FAF2: variants seen among roughly 807,000 people sequenced by gnomAD.
FAF2 encodes FAS-associated factor 2.
A neutral mutation model predicts 62.3 loss-of-function variants in FAF2; 9 were observed. That is an observed-to-expected ratio of 0.14 (90% CI 0.09 to 0.25). The LOEUF is 0.25. Ranked by LOEUF, FAF2 falls within the 10% of genes least tolerant of loss-of-function variation. FAF2 has a pLI of 1.00. For synonymous variants in FAF2, 202 were observed against 198.0 expected, an observed-to-expected ratio of 1.02 and a Z score of -0.17; for missense variants, 368 against 556.2, an observed-to-expected ratio of 0.66 and a Z score of 3.40.
chr5:176,486,225 A>G, intron 2 of FAF2, 130 bp from the exon 3 acceptor site: 2 of 1,103,706 alleles, frequency 1.8e-6, no homozygotes, highest in South Asian at 1.6e-5. Context: ...ATGAAGGTGC[A>G]CTCCTCAGTG....
intron 2 of FAF2, among the ~76,000 whole-genome samples, chr5:176,482,331 C>T (rs1758794728): frequency 1.3e-5 from 2 of 151,808 alleles, no homozygotes; most frequent in Admixed American, 1.3e-4. Flanking sequence ...AATTTTCCTG[C>T]CTCAGCCTCC....
chr5:176,500,862 C>T (rs1215152804), intron 10 of FAF2, among the ~76,000 whole-genome samples: 3 of 152,168 alleles, frequency 2.0e-5, no homozygotes, highest in African/African-American at 7.2e-5. Context: ...GCCCCGTGCT[C>T]ATGCCTGTAA....
At chr5:176,460,093 A>G (rs1164066121) in intron 1 of FAF2, among the ~76,000 whole-genome samples, 3 of 152,178 alleles carry the variant, frequency 2.0e-5, no homozygotes, top group East Asian at 1.9e-4. Context: ...GTGGTATTCT[A>G]TAGTGTATAT....
intron 10 of FAF2, among the ~76,000 whole-genome samples, chr5:176,502,511 C>G (rs1456817910): frequency 1.3e-5 from 2 of 151,702 alleles, no homozygotes; most frequent in Non-Finnish European, 2.9e-5. Flanking sequence ...GCCCAGGAGG[C>G]AGAGGTTGCG....
chr5:176,494,429 A>C lies in FAF2; in HGVS notation c.661+154A>C, dbSNP rs1191975756. On this transcript the variant is annotated intron_variant, in intron 7 of 10. Coordinates refer to ENST00000261942, the MANE Select transcript of FAF2 (RefSeq NM_014613.3). The surrounding 1 kb of genome is among the most constrained non-coding windows in gnomAD (Gnocchi z 4.0). ...TATTGTCTCATTTAATCCTCTCAGC[A>C]GTCCTGAGAGATGGGGGGTCATATT... Among the ~76,000 whole-genome samples the C allele has an allele frequency of 6.6e-6, 1 of 152,224 alleles. No homozygotes were observed. Among genetic ancestry groups the C allele is most frequent in the Non-Finnish European group, 1.5e-5 (1 of 68,042 alleles).
intron 1 of FAF2, among the ~76,000 whole-genome samples, chr5:176,461,344 G>C (rs1327370030): frequency 7.8e-6 from 1 of 128,108 alleles, no homozygotes; most frequent in Non-Finnish European, 1.6e-5. Flanking sequence ...TTTGAGACAG[G>C]TTCTTGCTCT....
chr5:176,492,121 C>A, intron 4 of FAF2, 73 bp from the exon 5 acceptor site: 1 of 1,569,704 alleles, frequency 6.4e-7, no homozygotes, highest in Non-Finnish European at 8.7e-7. Context: ...TTACAGGAAT[C>A]TGTACAAATT....
chr5:176,489,153 C>G (rs1758926631), intron 4 of FAF2, 126 bp downstream of exon 4: 1 of 619,492 alleles, frequency 1.6e-6, no homozygotes, highest in African/African-American at 1.9e-5. Context: ...AATACACTTC[C>G]CGAACTGTCT....
At chr5:176,469,258 A>G (rs759395650) in intron 1 of FAF2, among the ~76,000 whole-genome samples, 2 of 152,196 alleles carry the variant, frequency 1.3e-5, no homozygotes, top group Non-Finnish European at 2.9e-5. Flanking sequence ...AAATAAAAAT[A>G]AAAAATTGTA....
At chr5:176,454,279 G>C (rs774545774) in intron 1 of FAF2, among the ~76,000 whole-genome samples, 1 of 151,758 alleles carries the variant, frequency 6.6e-6, no homozygotes, top group Non-Finnish European at 1.5e-5. Flanking sequence ...TGTAATCCCA[G>C]CTACTCGGGA....
At chr5:176,497,488 A>T (rs1755515744) in intron 8 of FAF2, among the ~76,000 whole-genome samples, 1 of 152,224 alleles carries the variant, frequency 6.6e-6, no homozygotes, top group South Asian at 2.1e-4. Flanking sequence ...TTCTTTATGT[A>T]AGAATATATC....
At chr5:176,456,075 G>A (rs1331560667) in intron 1 of FAF2, among the ~76,000 whole-genome samples, 1 of 152,070 alleles carries the variant, frequency 6.6e-6, no homozygotes, top group East Asian at 1.9e-4. Flanking sequence ...AAGACTGACT[G>A]GGTTTGTTTG....
At position 176,496,673 on chromosome 5, in the gene FAF2, A is replaced by T. The variant is rs779594928; in HGVS notation, c.839+10A>T. On this transcript the variant is annotated intron_variant, in intron 8 of 10. Coordinates refer to ENST00000261942, the MANE Select transcript of FAF2 (RefSeq NM_014613.3). ...CAGAACGCCTAGAAAGGTACAAGGG[A>T]GTTCCCTTCTGGAACAGAGAGAGAC... 4 of 1,519,626 alleles carry T rather than the reference A, an allele frequency of 2.6e-6. No individual in the cohort carries two copies. In the Admixed American group the frequency reaches 6.2e-5, roughly 23 times the overall value. 94.1% of individuals were successfully genotyped at this position (1,519,626 alleles called of 1,614,324 possible).
intron 1 of FAF2, among the ~76,000 whole-genome samples, chr5:176,478,226 C>T (rs527671076): frequency 3.9e-5 from 6 of 152,262 alleles, no homozygotes; most frequent in African/African-American, 1.4e-4. Flanking sequence ...CCTATAATCC[C>T]AGCACTTTGG....
At chr5:176,475,409 G>C (rs1046083720) in intron 1 of FAF2, among the ~76,000 whole-genome samples, 3 of 152,152 alleles carry the variant, frequency 2.0e-5, no homozygotes, top group Admixed American at 6.5e-5. Flanking sequence ...TAGGATTGCA[G>C]GTGTGAGCCA....
At chr5:176,493,056 T>A (rs1452791215) in intron 5 of FAF2, among the ~76,000 whole-genome samples, 2 of 152,118 alleles carry the variant, frequency 1.3e-5, no homozygotes, top group African/African-American at 2.4e-5. Context: ...ATATCTCTAG[T>A]TTGCCAGAGA....
chr5:176,461,287 T>C (rs753960021), intron 1 of FAF2, among the ~76,000 whole-genome samples: 38 of 147,848 alleles, frequency 2.6e-4, no homozygotes, highest in Non-Finnish European at 4.2e-4. Flanking sequence ...GTGCTGAGAT[T>C]ACAGGTGTGA....
At chr5:176,504,189 T>C (rs1379156428) in intron 10 of FAF2, among the ~76,000 whole-genome samples, 1 of 151,806 alleles carries the variant, frequency 6.6e-6, no homozygotes, top group African/African-American at 2.4e-5. Flanking sequence ...AGAAAGTATT[T>C]TTTTGGCCAG....
chr5:176,486,344 T>G lies in FAF2; in HGVS notation c.133-11T>G. On this transcript the variant is annotated splice_polypyrimidine_tract_variant and intron_variant, in intron 2 of 10. Coordinates refer to ENST00000261942, the MANE Select transcript of FAF2 (RefSeq NM_014613.3). ...TCGCTGAAACTCTTGCCACTCCGTT[T>G]TCCTTCTCAGGCTGCTGTACAGGAC... 1 of 1,610,222 alleles carries G rather than the reference T, an allele frequency of 6.2e-7. No individual in the cohort carries two copies. Among genetic ancestry groups the G allele is most frequent in the Non-Finnish European group, 8.5e-7 (1 of 1,179,024 alleles).
Sources: gnomAD v4.1 joint callset for allele counts (sites outside exome capture counted in the v4.1 genomes callset) on GRCh38, gnomAD v4.1.1 for gene constraint, Gnocchi (gnomAD v3.1) non-coding constraint, MANE v1.5 for transcripts, NCBI Gene and HGNC (gene_info 2026-07-23, HGNC 2026-07-21) for gene names.